The following MLLT3 variants were observed in gnomAD, a reference collection of about 807,000 sequenced individuals.
The protein encoded by MLLT3 is protein AF-9.
A neutral mutation model predicts 53.2 loss-of-function variants in MLLT3; 4 were observed. The ratio of observed to expected loss-of-function variants is 0.08; its 90% CI spans 0.04 to 0.17. The LOEUF is 0.17. Among genes scored for constraint, MLLT3 ranks in the 10% least tolerant of loss-of-function variants. The pLI is 1.00. For synonymous variants in MLLT3, 283 were observed against 230.6 expected (o/e 1.23, Z -2.06); for missense variants, 569 against 684.0 (o/e 0.83, Z 1.87).
chr9:20,540,577 T>G (rs577142950), intron 2 of MLLT3, among the ~76,000 whole-genome samples: 1 of 152,166 alleles, frequency 6.6e-6, no homozygotes, highest in Non-Finnish European at 1.5e-5. Context: ...CTGAAGTGGG[T>G]GGGGCTGGAG....
intron 8 of MLLT3, among the ~76,000 whole-genome samples, chr9:20,358,705 TG>T (rs1205864292): frequency 3.9e-5 from 6 of 152,108 alleles, no homozygotes; most frequent in Non-Finnish European, 8.8e-5. Flanking sequence ...TCACTATGAT[TG>T]GGAGAGATAC....
At chr9:20,600,360 T>G (rs1256755483) in intron 2 of MLLT3, among the ~76,000 whole-genome samples, 1 of 152,230 alleles carries the variant, frequency 6.6e-6, no homozygotes, top group Non-Finnish European at 1.5e-5. Context: ...CCATGTTTAC[T>G]GCAGTGCCTG....
chr9:20,535,485 C>A (rs906508497), intron 2 of MLLT3, among the ~76,000 whole-genome samples: 4 of 152,050 alleles, frequency 2.6e-5, no homozygotes, highest in East Asian at 3.9e-4. Flanking sequence ...AGCCAGCAAG[C>A]CTTTTTTAAA....
At position 20,501,757 on chromosome 9, in the gene MLLT3, C is replaced by CAAA. The variant is rs936828819; in HGVS notation, c.194-44974_194-44972dup. ...TGGGCGACAGAGCGAGACTCCGTCT[C>CAAA]AAAAAAAAAAAAAAAAAAAAAAAAA... On this transcript the variant is annotated intron_variant, in intron 2 of 10. Transcript: ENST00000380338. 1.1e-3 allele frequency among the ~76,000 whole-genome samples: 21 copies of CAAA among 18,590 alleles called. 2 individuals are homozygous for CAAA. Among genetic ancestry groups the CAAA allele is most frequent in the African/African-American group, 1.4e-3 (7 of 5,076 alleles). The allele number at this position is 18,590 out of a possible 152,430, so 12.2% of individuals were successfully genotyped here. A position where few individuals can be genotyped will look rare whatever the true frequency, so the allele number is the denominator to read the frequency against.
chr9:20,576,224 G>C (rs1819650116), intron 2 of MLLT3, among the ~76,000 whole-genome samples: 1 of 152,162 alleles, frequency 6.6e-6, no homozygotes, highest in Non-Finnish European at 1.5e-5. Flanking sequence ...CCTTGCTCTG[G>C]ATTAGGCTTT....
intron 2 of MLLT3, among the ~76,000 whole-genome samples, chr9:20,530,531 A>G (rs1818304683): frequency 6.6e-6 from 1 of 152,222 alleles, no homozygotes; most frequent in South Asian, 2.1e-4. Context: ...TTATTCAGCA[A>G]CTTCCCTTCA....
At chr9:20,371,595 C>T (rs570101035) in intron 5 of MLLT3, among the ~76,000 whole-genome samples, 39 of 152,204 alleles carry the variant, frequency 2.6e-4, no homozygotes, top group Non-Finnish European at 4.4e-4. Flanking sequence ...GCATGGTTTA[C>T]TGAATAGTTT....
chr9:20,384,498 A>G (rs577859989), intron 5 of MLLT3, among the ~76,000 whole-genome samples: 1 of 152,220 alleles, frequency 6.6e-6, no homozygotes, highest in East Asian at 1.9e-4. Context: ...CTCATTTCCT[A>G]AGAAATAAGA....
At chr9:20,583,388 T>C (rs1819855702) in intron 2 of MLLT3, among the ~76,000 whole-genome samples, 1 of 152,162 alleles carries the variant, frequency 6.6e-6, no homozygotes, top group African/African-American at 2.4e-5. Flanking sequence ...TCTACCATTC[T>C]GGGGTCTGGA....
chr9:20,571,758 C>G (rs1012925834), intron 2 of MLLT3, among the ~76,000 whole-genome samples: 9 of 152,116 alleles, frequency 5.9e-5, no homozygotes, highest in African/African-American at 2.2e-4. Flanking sequence ...AAATGGCCAA[C>G]AGGTATGTGA....
chr9:20,483,920 C>T (rs1355700102), intron 2 of MLLT3, among the ~76,000 whole-genome samples: 2 of 151,228 alleles, frequency 1.3e-5, no homozygotes, highest in African/African-American at 2.4e-5. Flanking sequence ...ACCGTGTTAG[C>T]CAGGATGGTC....
At chr9:20,481,318 G>T (rs1283035732) in intron 2 of MLLT3, among the ~76,000 whole-genome samples, 2 of 152,102 alleles carry the variant, frequency 1.3e-5, no homozygotes, top group African/African-American at 4.8e-5. Context: ...TTTCCCGATC[G>T]CTGTCACAGG....
intron 2 of MLLT3, among the ~76,000 whole-genome samples, chr9:20,614,991 G>A (rs1000228561): frequency 2.0e-5 from 3 of 147,008 alleles, no homozygotes; most frequent in Non-Finnish European, 3.0e-5. Context: ...TCTACAGAGG[G>A]GCACCTACAA....
At chr9:20,530,090 G>A (rs548318568) in intron 2 of MLLT3, among the ~76,000 whole-genome samples, 11 of 152,274 alleles carry the variant, frequency 7.2e-5, no homozygotes, top group South Asian at 6.2e-4. Flanking sequence ...GCCTATACAC[G>A]TCAACAGTTG....
intron 2 of MLLT3, among the ~76,000 whole-genome samples, chr9:20,588,366 C>T (rs1171672947): frequency 6.6e-6 from 1 of 151,154 alleles, no homozygotes; most frequent in Admixed American, 6.6e-5. Context: ...TAGTTTTTTC[C>T]AATTCTGTGA....
Position 20,344,148 on chromosome 9 carries a change from T to C in MLLT3, c.*2295A>G, listed in dbSNP as rs1241921875. 1 of 195,354 alleles carries C rather than the reference T, an allele frequency of 5.1e-6. No homozygotes were observed. Among genetic ancestry groups the C allele is most frequent in the African/African-American group, 2.3e-5 (1 of 43,312 alleles). 12.1% of individuals were successfully genotyped at this position (195,354 alleles called of 1,614,324 possible). ...AGTCTAAAGTTTATCATATAATAGCTGTCCTTCTTATCATTATTTTTGTTT... is the reference window on the plus strand; with the variant it reads ...AGTCTAAAGTTTATCATATAATAGCCGTCCTTCTTATCATTATTTTTGTTT... On this transcript the variant is annotated 3_prime_UTR_variant, in exon 11 of 11. Transcript: ENST00000380338.
intron 2 of MLLT3, among the ~76,000 whole-genome samples, chr9:20,512,015 G>T (rs1817763587): frequency 6.6e-6 from 1 of 152,106 alleles, no homozygotes; most frequent in Non-Finnish European, 1.5e-5. Flanking sequence ...TGACCTTGCT[G>T]GAGCAATAAA....
At chr9:20,513,673 G>C (rs1434316705) in intron 2 of MLLT3, among the ~76,000 whole-genome samples, 1 of 152,192 alleles carries the variant, frequency 6.6e-6, no homozygotes, top group East Asian at 1.9e-4. Context: ...GGTCAGTCAA[G>C]TAGGCTGTAT....
intron 5 of MLLT3, among the ~76,000 whole-genome samples, chr9:20,386,732 C>G (rs977087369): frequency 6.6e-6 from 1 of 152,150 alleles, no homozygotes; most frequent in Non-Finnish European, 1.5e-5. Flanking sequence ...GAAATGCTAA[C>G]CGGATTTTAT....
Sources: gnomAD v4.1 joint callset for allele counts (sites outside exome capture counted in the v4.1 genomes callset) on GRCh38, gnomAD v4.1.1 for gene constraint, MANE v1.5 for transcripts, NCBI Gene and HGNC (gene_info 2026-07-23, HGNC 2026-07-21) for gene names.